MAGI1: variants seen among roughly 807,000 people sequenced by gnomAD.
The protein encoded by MAGI1 is membrane associated guanylate kinase, WW and PDZ domain containing 1.
Under a neutral mutation model 139.9 loss-of-function variants are expected in MAGI1, and 58 were observed. The ratio of observed to expected loss-of-function variants is 0.41; its 90% CI spans 0.34 to 0.52. MAGI1 has a LOEUF of 0.52. MAGI1 is among the 20% of genes least tolerant of loss of function. MAGI1 has a pLI of 0.12. For missense variants in MAGI1, 1,874 were observed against 1,901.6 expected (o/e 0.99, Z 0.27); for synonymous variants, 812 against 737.9 (o/e 1.10, Z -1.63).
intron 3 of MAGI1, among the ~76,000 whole-genome samples, chr3:65,485,959 C>T (rs1017463522): frequency 2.0e-5 from 3 of 152,188 alleles, no homozygotes; most frequent in African/African-American, 7.2e-5. Context: ...AATTATAGCA[C>T]AGATTTCATT....
intron 1 of MAGI1, among the ~76,000 whole-genome samples, chr3:65,638,199 C>CA (rs1243835283): frequency 1.3e-5 from 2 of 152,166 alleles, no homozygotes; most frequent in Non-Finnish European, 2.9e-5. Context: ...ATCTACCTGA[C>CA]AGGGCTGTCA....
At chr3:65,750,230 G>A (rs969970865) in intron 1 of MAGI1, among the ~76,000 whole-genome samples, 2 of 152,180 alleles carry the variant, frequency 1.3e-5, no homozygotes, top group African/African-American at 2.4e-5. Flanking sequence ...CTGTGCTGAT[G>A]GAGGGCAGGA....
In MAGI1 at chr3:65,382,052, G is replaced by A. The variant is rs1348098781; in HGVS notation, c.2526C>T (p.Ile842=). 3.7e-6 allele frequency: 6 copies of A among 1,611,278 alleles called. No homozygotes were observed. In the Admixed American group the frequency reaches 6.7e-5, roughly 18 times the overall value. Residue 842 remains isoleucine, a synonymous_variant, in exon 16 of 23, where the codon ATC becomes ATT. Coordinates refer to ENST00000402939, the MANE Select transcript of MAGI1 (RefSeq NM_001033057.2). The part of the protein sequence containing the change: ...EPGEPIYIGH[I]VPLGAADTDG... ...CAGTATCAGCAGCACCCAGTGGTAC[G>A]ATGTGACCAATATAAATCTGTTGAG... is the stretch of plus-strand genomic sequence containing the variant.
intron 1 of MAGI1, among the ~76,000 whole-genome samples, chr3:65,631,649 C>A (rs2084310246): frequency 6.6e-6 from 1 of 152,190 alleles, no homozygotes; most frequent in Non-Finnish European, 1.5e-5. Context: ...AGCTTTCCTT[C>A]TTCCAGCTTT....
chr3:65,980,065 A>C (rs746327162), intron 1 of MAGI1, among the ~76,000 whole-genome samples: 4 of 152,178 alleles, frequency 2.6e-5, no homozygotes, highest in Non-Finnish European at 5.9e-5. Flanking sequence ...GGGTGGGACA[A>C]GTGAACAGTG....
chr3:65,983,128 G>A (rs2065676352), intron 1 of MAGI1, among the ~76,000 whole-genome samples: 1 of 152,126 alleles, frequency 6.6e-6, no homozygotes, highest in South Asian at 2.1e-4. Context: ...TGTTGCCCAG[G>A]CTGGGAAAAT....
intron 1 of MAGI1, among the ~76,000 whole-genome samples, chr3:65,654,644 G>T (rs2085766941): frequency 6.6e-6 from 1 of 151,708 alleles, no homozygotes; most frequent in African/African-American, 2.4e-5. Context: ...TTACATTGAA[G>T]AATATCCTTT....
chr3:65,395,695 G>A (rs1366522503), intron 13 of MAGI1, among the ~76,000 whole-genome samples: 1 of 135,210 alleles, frequency 7.4e-6, no homozygotes, highest in Non-Finnish European at 1.6e-5. Flanking sequence ...GAACAAAAAA[G>A]CTAATGTGAC....
chr3:65,619,958 A>C, intron 2 of MAGI1: 1 of 985,456 alleles, frequency 1.0e-6, no homozygotes, highest in Non-Finnish European at 1.2e-6. Flanking sequence ...CAGCAAAAAC[A>C]AACATGATTT....
At chr3:65,556,223 A>T (rs1429211127) in intron 2 of MAGI1, among the ~76,000 whole-genome samples, 1 of 152,252 alleles carries the variant, frequency 6.6e-6, no homozygotes. Context: ...TCAAAAAAGA[A>T]ACACCAAGAA....
intron 1 of MAGI1, among the ~76,000 whole-genome samples, chr3:65,630,362 T>A (rs1397315761): frequency 1.3e-5 from 2 of 152,106 alleles, no homozygotes; most frequent in African/African-American, 4.8e-5. Context: ...GGGGAAAGAC[T>A]ATTCCAGGCA....
At chr3:65,971,120 T>C (rs930112168) in intron 1 of MAGI1, among the ~76,000 whole-genome samples, 3 of 152,186 alleles carry the variant, frequency 2.0e-5, no homozygotes, top group Admixed American at 2.0e-4. Flanking sequence ...GGAGAATCAC[T>C]TGAACCCAGG....
At chr3:65,531,510 C>T (rs2078711289) in intron 2 of MAGI1, among the ~76,000 whole-genome samples, 1 of 152,070 alleles carries the variant, frequency 6.6e-6, no homozygotes, top group Admixed American at 6.6e-5. Context: ...TTATTATTTA[C>T]AGTATAATAC....
At chr3:65,459,345 T>C (rs1949618283) in intron 5 of MAGI1, among the ~76,000 whole-genome samples, 1 of 152,194 alleles carries the variant, frequency 6.6e-6, no homozygotes, top group Non-Finnish European at 1.5e-5. Flanking sequence ...GGAATATCTT[T>C]GGTATATTGA....
chr3:65,921,615 A>G (rs769625258), intron 1 of MAGI1, among the ~76,000 whole-genome samples: 61 of 152,046 alleles, frequency 4.0e-4, no homozygotes, highest in Non-Finnish European at 6.6e-4. Flanking sequence ...CGGCTGACTT[A>G]TAATTTTCTT....
At chr3:65,610,805 G>C (rs2083029407) in intron 2 of MAGI1, among the ~76,000 whole-genome samples, 1 of 91,612 alleles carries the variant, frequency 1.1e-5, no homozygotes, top group African/African-American at 4.1e-5. Flanking sequence ...GTATATATAG[G>C]TATATATAGT....
chr3:65,956,541 T>C (rs1027445864), intron 1 of MAGI1, among the ~76,000 whole-genome samples: 1 of 152,194 alleles, frequency 6.6e-6, no homozygotes, highest in Non-Finnish European at 1.5e-5. Context: ...CTCATTTCTT[T>C]ACAGTGAAAC....
chr3:65,812,802 C>G (rs1201566306), intron 1 of MAGI1, among the ~76,000 whole-genome samples: 1 of 144,832 alleles, frequency 6.9e-6, no homozygotes, highest in Non-Finnish European at 1.5e-5. Context: ...CCTCCGCCTC[C>G]TGGGTTGAAG....
At chr3:65,964,658 C>G (rs1024785024) in intron 1 of MAGI1, among the ~76,000 whole-genome samples, 1 of 152,222 alleles carries the variant, frequency 6.6e-6, no homozygotes, top group African/African-American at 2.4e-5. Context: ...AACTTCCACT[C>G]CTCTCCAAAC....
Sources: gnomAD v4.1 joint callset for allele counts (sites outside exome capture counted in the v4.1 genomes callset) on GRCh38, gnomAD v4.1.1 for gene constraint, MANE v1.5 for transcripts, NCBI Gene and HGNC (gene_info 2026-07-23, HGNC 2026-07-21) for gene names.